The following ZNF536 variants were observed in gnomAD, a reference collection of about 807,000 sequenced individuals.
The protein encoded by ZNF536 is zinc finger protein 536.
Under a neutral mutation model 84.5 loss-of-function variants are expected in ZNF536, and 13 were observed. The ratio of observed to expected loss-of-function variants is 0.15; its 90% CI spans 0.10 to 0.24. The LOEUF (loss-of-function observed/expected upper bound fraction) is 0.24. Among genes scored for constraint, ZNF536 ranks in the 10% least tolerant of loss-of-function variants. ZNF536 has a pLI of 1.00. For synonymous variants in ZNF536, 811 were observed against 742.5 expected (o/e 1.09, Z -1.50); for missense variants, 1,536 against 1,747.5 (o/e 0.88, Z 2.16).
At chr19:30,286,796 A>G (rs2045647455) in intron 2 of ZNF536, among the ~76,000 whole-genome samples, 2 of 152,222 alleles carry the variant, frequency 1.3e-5, no homozygotes, top group South Asian at 2.1e-4. Context: ...GGATATAGAT[A>G]ATGAGGAATA....
chr19:30,664,207 TC>T (rs2050227203), intron 1 of ZNF536, among the ~76,000 whole-genome samples: 1 of 4,744 alleles, frequency 2.1e-4, no homozygotes, highest in Non-Finnish European at 4.0e-4. Flanking sequence ...CTGAGTTTTC[TC>T]TCTCTCTCTC....
intron 1 of ZNF536, among the ~76,000 whole-genome samples, chr19:30,641,515 T>C (rs1436419542): frequency 1.3e-5 from 2 of 152,340 alleles, no homozygotes; most frequent in Admixed American, 1.3e-4. Context: ...AAAATATCAT[T>C]ATATAGTTAT....
At chr19:30,691,285 CTT>C (rs759373022) in intron 1 of ZNF536, among the ~76,000 whole-genome samples, 40 of 152,142 alleles carry the variant, frequency 2.6e-4, no homozygotes, top group Admixed American at 1.9e-3. Flanking sequence ...AGGAGGCAGA[CTT>C]TGCATCAGGG....
chr19:30,249,725 G>A (rs1397190522), intron 1 of ZNF536, among the ~76,000 whole-genome samples: 1 of 152,148 alleles, frequency 6.6e-6, no homozygotes, highest in Non-Finnish European at 1.5e-5. Context: ...CCCCCACCCT[G>A]CCTCATCGAA....
At chr19:30,684,396 C>T (rs2051092842) in intron 1 of ZNF536, among the ~76,000 whole-genome samples, 1 of 152,168 alleles carries the variant, frequency 6.6e-6, no homozygotes, top group Non-Finnish European at 1.5e-5. Context: ...CTTGGCCTCC[C>T]AAAGTGCTGG....
At chr19:30,681,941 T>G (rs1416217634) in intron 1 of ZNF536, among the ~76,000 whole-genome samples, 1 of 152,124 alleles carries the variant, frequency 6.6e-6, no homozygotes, top group Non-Finnish European at 1.5e-5. Context: ...TCCCTGAAGT[T>G]GGGGTCACTC....
chr19:30,265,759 G>C (rs1168437123), intron 1 of ZNF536, among the ~76,000 whole-genome samples: 1 of 152,202 alleles, frequency 6.6e-6, no homozygotes, highest in Non-Finnish European at 1.5e-5. Flanking sequence ...GTCCAGGCTG[G>C]CCTTAGGGAC....
downstream of ZNF536, among the ~76,000 whole-genome samples, chr19:30,562,220 C>T (rs1164865131): frequency 6.6e-6 from 1 of 152,148 alleles, no homozygotes; most frequent in Non-Finnish European, 1.5e-5. Flanking sequence ...TTCCAGTCCT[C>T]ACTTTTCAGA....
At chr19:30,324,888 C>T (rs79883607) in intron 2 of ZNF536, among the ~76,000 whole-genome samples, 4,152 of 152,302 alleles carry the variant, frequency 0.027, 180 homozygotes, top group African/African-American at 0.096. Context: ...GCTGAGCTGG[C>T]TCTCCCTAGG....
chr19:30,704,948 C>G lies in ZNF536; in HGVS notation c.170-5809C>G, dbSNP rs544083797. Among the ~76,000 whole-genome samples the G allele has an allele frequency of 3.4e-5, 5 of 148,380 alleles. No individual in the cohort carries two copies. The South Asian group carries it at 8.5e-4, about 25-fold the overall frequency. The stretch of plus-strand genomic sequence containing the variant: ...ACTTTTTTTTTTTTTTTCTGGAGCA[C>G]TTGCTTATGTTCTCTGACCCAAAGC... On this transcript the variant is annotated intron_variant, in intron 1 of 1. Transcript: ENST00000592773.
intron 1 of ZNF536, among the ~76,000 whole-genome samples, chr19:30,576,334 C>T (rs775684531): frequency 2.0e-5 from 3 of 152,168 alleles, no homozygotes; most frequent in African/African-American, 4.8e-5. Context: ...TCCAAGCCTG[C>T]GTCTCCCGCT....
intron 2 of ZNF536, among the ~76,000 whole-genome samples, chr19:30,478,428 A>G (rs1333659947): frequency 6.6e-6 from 1 of 151,682 alleles, no homozygotes; most frequent in Non-Finnish European, 1.5e-5. Context: ...GAGCCTGAGG[A>G]GCTCTGATCT....
intron 1 of ZNF536, among the ~76,000 whole-genome samples, chr19:30,238,485 A>G (rs534305719): frequency 5.9e-5 from 9 of 152,160 alleles, no homozygotes; most frequent in Admixed American, 1.3e-4. Flanking sequence ...ACATACATGC[A>G]CACAAGTGTA....
At chr19:30,366,531 C>T (rs991410335) in intron 3 of ZNF536, among the ~76,000 whole-genome samples, 1 of 151,964 alleles carries the variant, frequency 6.6e-6, no homozygotes, top group African/African-American at 2.4e-5. Flanking sequence ...TAGCATCTCT[C>T]TATATACAGA....
At position 30,558,034 on chromosome 19, in the gene ZNF536, TAAA is replaced by T. The variant is rs988459859; in HGVS notation, c.*879_*881del. 1 of 144,958 alleles carries T rather than the reference TAAA, an allele frequency of 6.9e-6. No homozygotes were observed. Among genetic ancestry groups the T allele is most frequent in the Admixed American group, 6.9e-5 (1 of 14,468 alleles). 9.0% of individuals were successfully genotyped at this position (144,958 alleles called of 1,614,324 possible). ...CAATAACTTATCTTGGTATTGCTAATAAAAAAAAAAAGCTGTGAAACATTAGTG... is the reference window on the plus strand; with the variant it reads ...CAATAACTTATCTTGGTATTGCTAATAAAAAAAAGCTGTGAAACATTAGTG... On this transcript the variant is annotated 3_prime_UTR_variant, in exon 5 of 5. Coordinates refer to ENST00000355537, the MANE Select transcript of ZNF536 (RefSeq NM_014717.3).
intron 1 of ZNF536, among the ~76,000 whole-genome samples, chr19:30,650,027 C>T (rs148443624): frequency 5.6e-4 from 85 of 152,212 alleles, no homozygotes; most frequent in African/African-American, 2.0e-3. Context: ...CTGTTAGACA[C>T]GTAATGGAGT....
intron 1 of ZNF536, among the ~76,000 whole-genome samples, chr19:30,279,855 C>A (rs549354680): frequency 6.6e-6 from 1 of 152,218 alleles, no homozygotes; most frequent in Non-Finnish European, 1.5e-5. Flanking sequence ...AGGAGCCGGA[C>A]TGGCTTTCTC....
At chr19:30,265,202 G>C (rs749108555) in intron 1 of ZNF536, among the ~76,000 whole-genome samples, 1 of 151,990 alleles carries the variant, frequency 6.6e-6, no homozygotes, top group African/African-American at 2.4e-5. Flanking sequence ...AGCCCCAGTC[G>C]TGTCTTCAGT....
chr19:30,410,650 T>C (rs549140760), intron 1 of ZNF536, among the ~76,000 whole-genome samples: 2 of 152,078 alleles, frequency 1.3e-5, no homozygotes, highest in Admixed American at 6.5e-5. Flanking sequence ...AATTTTTTTT[T>C]GTGTTTTTTA....
Sources: allele counts gnomAD v4.1 joint callset (sites outside exome capture counted in the v4.1 genomes callset), GRCh38; gene constraint gnomAD v4.1.1; transcripts MANE v1.5; gene names NCBI Gene and HGNC (gene_info 2026-07-23, HGNC 2026-07-21).